Variants in CLEC2A observed in about 807,000 individuals in gnomAD.
CLEC2A encodes the protein C-type lectin domain family 2 member A.
CLEC2A carries 19 observed loss-of-function variants against 18.6 expected under a neutral mutation model. That is an observed-to-expected ratio of 1.02 (90% CI 0.71 to 1.50). The LOEUF is 1.50. CLEC2A is among the 40% of genes most tolerant of loss of function. CLEC2A has a pLI of 0.00. For synonymous variants in CLEC2A, 74 were observed against 64.0 expected, an observed-to-expected ratio of 1.16 and a Z score of -0.75; for missense variants, 190 against 207.9, an observed-to-expected ratio of 0.91 and a Z score of 0.53.
the CLEC2A span, among the ~76,000 whole-genome samples, chr12:9,880,446 C>T: frequency 1.7e-3 from 252 of 152,160 alleles, 2 homozygotes; most frequent in African/African-American, 5.8e-3. Flanking sequence ...CAGTCAGCCA[C>T]CTTCCCCAGA....
chr12:9,894,700 G>C (rs904449599), downstream of CLEC2A, among the ~76,000 whole-genome samples: 49 of 152,108 alleles, frequency 3.2e-4, no homozygotes, highest in African/African-American at 1.1e-3. Context: ...GTTCATTTCA[G>C]TTCAGATATT....
the CLEC2A span, among the ~76,000 whole-genome samples, chr12:9,890,821 A>G: frequency 9.6e-3 from 1,464 of 152,330 alleles, 18 homozygotes; most frequent in African/African-American, 0.034. Context: ...GAAATTACAC[A>G]GGTCATGTGC....
chr12:9,916,933 CAACA>C, intron 3 of CLEC2A, 130 bp from the exon 4 acceptor site: 2 of 614,932 alleles, frequency 3.3e-6, no homozygotes, highest in Admixed American at 5.4e-5. Context: ...GCTTCTATAA[CAACA>C]AACAGCACAG....
chr12:9,901,040 A>C (rs781741189), intron 4 of CLEC2A, among the ~76,000 whole-genome samples: 3 of 152,222 alleles, frequency 2.0e-5, no homozygotes, highest in Non-Finnish European at 4.4e-5. Context: ...TTATTTAATT[A>C]TTAAAGGCCG....
the CLEC2A span, among the ~76,000 whole-genome samples, chr12:9,892,260 G>A: frequency 6.6e-6 from 1 of 152,132 alleles, no homozygotes; most frequent in African/African-American, 2.4e-5. Context: ...TCAAGACTAA[G>A]GGAACAGTAT....
the CLEC2A span, chr12:9,892,943 T>A: frequency 8.5e-7 from 1 of 1,179,894 alleles, no homozygotes; most frequent in Non-Finnish European, 1.2e-6. Context: ...ATTTTCCAAG[T>A]AGTCACATTT....
downstream of CLEC2A, among the ~76,000 whole-genome samples, chr12:9,898,072 T>G (rs1347884007): frequency 1.3e-5 from 2 of 152,258 alleles, no homozygotes; most frequent in Non-Finnish European, 2.9e-5. Context: ...GAATTTGCCA[T>G]GTGGCTTGTT....
At chr12:9,900,306 G>C (rs1862807696) in intron 4 of CLEC2A, among the ~76,000 whole-genome samples, 1 of 152,150 alleles carries the variant, frequency 6.6e-6, no homozygotes, top group African/African-American at 2.4e-5. Context: ...ACAAGAACAT[G>C]CAGGATTAGT....
chr12:9,924,668 T>G (rs1226026097), intron 2 of CLEC2A, among the ~76,000 whole-genome samples: 2 of 152,212 alleles, frequency 1.3e-5, no homozygotes, highest in Non-Finnish European at 2.9e-5. Flanking sequence ...TTACAAATAT[T>G]GCAATTCCAA....
Position 9,913,553 on chromosome 12 carries a change from A to C in CLEC2A, c.*13T>G, listed in dbSNP as rs924008907. On this transcript the variant is annotated 3_prime_UTR_variant, in exon 5 of 5. Transcript: ENST00000455827. The stretch of plus-strand genomic sequence containing the variant: ...TCTTGAAGTGTGATAATCATTTTCA[A>C]GTTTTTTCTGCTCTATAAAAAATAT... 1 of 1,535,244 alleles carries C rather than the reference A, an allele frequency of 6.5e-7. No individual in the cohort carries two copies.
At chr12:9,914,856 A>T (rs965110034) in intron 4 of CLEC2A, among the ~76,000 whole-genome samples, 2 of 152,198 alleles carry the variant, frequency 1.3e-5, no homozygotes, top group Non-Finnish European at 2.9e-5. Context: ...AAACTGACAT[A>T]TGGGATCTAA....
At chr12:9,898,052 G>A (rs959288688), downstream of CLEC2A, among the ~76,000 whole-genome samples, 1 of 152,196 alleles carries the variant, frequency 6.6e-6, no homozygotes, top group Admixed American at 6.5e-5. Context: ...CATAAAATGA[G>A]TATTTGAAGG....
the CLEC2A span, among the ~76,000 whole-genome samples, chr12:9,891,234 T>A: frequency 1.3e-5 from 2 of 149,830 alleles, no homozygotes; most frequent in Non-Finnish European, 3.0e-5. Context: ...TATGTGTATG[T>A]TGTTATTATT....
At chr12:9,889,301 T>G in the CLEC2A span, among the ~76,000 whole-genome samples, 3 of 152,366 alleles carry the variant, frequency 2.0e-5, no homozygotes, top group Admixed American at 6.5e-5. Context: ...TGTGTCAACT[T>G]GGCTAGGCCA....
At chr12:9,914,185 C>G (rs1314003416) in intron 4 of CLEC2A, among the ~76,000 whole-genome samples, 1 of 152,172 alleles carries the variant, frequency 6.6e-6, no homozygotes, top group African/African-American at 2.4e-5. Flanking sequence ...ACCTAAGAGA[C>G]TGCATACTGC....
chr12:9,915,183 A>G (rs1863051091), intron 4 of CLEC2A, among the ~76,000 whole-genome samples: 1 of 152,156 alleles, frequency 6.6e-6, no homozygotes, highest in Non-Finnish European at 1.5e-5. Flanking sequence ...AATGGCAATT[A>G]TTAAAAAGTC....
the CLEC2A span, among the ~76,000 whole-genome samples, chr12:9,886,278 G>A: frequency 6.6e-6 from 1 of 151,962 alleles, no homozygotes; most frequent in South Asian, 2.1e-4. Flanking sequence ...ATGGCTTCCA[G>A]TCAAAATGGA....
chr12:9,893,425 G>A, the CLEC2A span: 1 of 1,290,610 alleles, frequency 7.7e-7, no homozygotes, highest in Non-Finnish European at 1.1e-6. Context: ...TATTTCTTCT[G>A]CAGGAGTTCA....
chr12:9,905,935 T>C (rs919686176), intron 4 of CLEC2A, among the ~76,000 whole-genome samples: 4 of 152,208 alleles, frequency 2.6e-5, no homozygotes, highest in Non-Finnish European at 5.9e-5. Context: ...GAGACATTTC[T>C]GTGTGATCAA....
Sources: allele counts gnomAD v4.1 joint callset (sites outside exome capture counted in the v4.1 genomes callset), GRCh38; gene constraint gnomAD v4.1.1; transcripts MANE v1.5; gene names NCBI Gene and HGNC (gene_info 2026-07-23, HGNC 2026-07-21).